Variants in HAS1 observed in about 807,000 individuals in gnomAD.
HAS1 encodes the protein HA synthase 1.
Under a neutral mutation model 35.0 loss-of-function variants are expected in HAS1, and 27 were observed. That is an observed-to-expected ratio of 0.77 (90% CI 0.57 to 1.06). HAS1 has a LOEUF of 1.06. Ranked by LOEUF, HAS1 falls within the 50% of genes least tolerant of loss-of-function variation. The pLI is 0.00. For synonymous variants in HAS1, 409 were observed against 371.2 expected, an observed-to-expected ratio of 1.10 and a Z score of -1.17; for missense variants, 940 against 814.8, an observed-to-expected ratio of 1.15 and a Z score of -1.87.
chr19:51,713,851 A>G lies in HAS1; in HGVS notation c.1310T>C (p.Val437Ala), dbSNP rs1172575155. ...CGCCTTGGCCAGTGCCACGCCCTGCACGCACAGCAGCACCCACAGCAGCGC... is the reference window on the plus strand; with the variant it reads ...CGCCTTGGCCAGTGCCACGCCCTGCGCGCACAGCAGCACCCACAGCAGCGC... ...PWALLWVLLCVQGVALAKAAF... is the reference protein window; with the variant it reads ...PWALLWVLLCAQGVALAKAAF... The change falls in exon 5 of 5, where the codon GTG becomes GCG. Residue 437 changes from valine (V) to alanine (A), a missense_variant. Physicochemically the swap from Val to Ala is moderately conservative, Grantham distance 64. Coordinates refer to ENST00000540069, the MANE Select transcript of HAS1 (RefSeq NM_001297436.2). This position sits in a 1 kb window ranked among gnomAD's most constrained non-coding sequence, Gnocchi z 4.5. 2.5e-6 allele frequency: 4 copies of G among 1,607,162 alleles called. No individual in the cohort carries two copies. The Admixed American group carries it at 6.7e-5, about 27-fold the overall frequency.
intron 4 of HAS1, among the ~76,000 whole-genome samples, chr19:51,714,553 C>T (rs976575178): frequency 4.8e-5 from 7 of 144,868 alleles, no homozygotes; most frequent in South Asian, 2.2e-4. Flanking sequence ...AAAAATTAGC[C>T]GGGCGTGGTG....
intron 4 of HAS1, among the ~76,000 whole-genome samples, chr19:51,714,692 A>C (rs8103845): frequency 6.9e-6 from 1 of 144,710 alleles, no homozygotes; most frequent in Non-Finnish European, 1.5e-5. Context: ...GCAAGACTCT[A>C]TCTAAGAAAA....
In HAS1 at chr19:51,723,884, TACAC is replaced by T. The variant is rs58597876; in HGVS notation, c.9+37_9+40del. 7,748 of 1,222,566 alleles carry T rather than the reference TACAC, an allele frequency of 6.3e-3. 13 individuals carry two copies. The highest frequency in any genetic ancestry group is 0.02 in the African/African-American group (1,259 of 62,278). The allele number at this position is 1,222,566 out of a possible 1,614,324, so 75.7% of individuals were successfully genotyped here. On this transcript the variant is annotated intron_variant, in intron 1 of 4. Coordinates refer to ENST00000540069, the MANE Select transcript of HAS1 (RefSeq NM_001297436.2). ...CAGTAGTTTTCCCCACATGGCTGTA[TACAC>T]ACACACACACACACACACACACACA...
rs2083556365 is a variant in HAS1, at chr19:51,713,571, G to A, written c.1590C>T (p.Gly530=). ...GGTAGGCCTCGGCTGCGCGGGAAGG[G>A]CCGCTCCAGTCGGCCCTGGCCTCGT... is the stretch of plus-strand genomic sequence containing the variant. ...VAHEARADWS[G]PSRAAEAYHL... The change falls in exon 5 of 5, where the codon GGC becomes GGT. Residue 530 remains glycine (G), a synonymous_variant. Coordinates refer to ENST00000540069, the MANE Select transcript of HAS1 (RefSeq NM_001297436.2). The surrounding 1 kb of genome is among the most constrained non-coding windows in gnomAD (Gnocchi z 4.5). 3.2e-6 allele frequency: 5 copies of A among 1,571,444 alleles called. No individual in the cohort carries two copies. Among genetic ancestry groups the A allele is most frequent in the East Asian group, 2.4e-5 (1 of 42,226 alleles).
At chr19:51,720,175 C>T (rs2083621549) in intron 1 of HAS1, among the ~76,000 whole-genome samples, 1 of 151,624 alleles carries the variant, frequency 6.6e-6, no homozygotes, top group South Asian at 2.1e-4. Flanking sequence ...CCTAGTGTCG[C>T]CATCTAGGCT....
chr19:51,719,156 T>A (rs2083605410), intron 2 of HAS1, 50 bp downstream of exon 2: 1 of 1,153,430 alleles, frequency 8.7e-7, no homozygotes, highest in South Asian at 1.6e-5. Context: ...CCCAGGAAAG[T>A]GGGATTTGGG....
At chr19:51,717,406 T>TACC (rs1250247812) in intron 2 of HAS1, among the ~76,000 whole-genome samples, 3 of 152,182 alleles carry the variant, frequency 2.0e-5, no homozygotes, top group African/African-American at 7.2e-5. Flanking sequence ...ATAAGACATA[T>TACC]ACCATCTCCT....
intron 2 of HAS1, among the ~76,000 whole-genome samples, chr19:51,717,424 G>A (rs2083595105): frequency 6.6e-6 from 1 of 152,188 alleles, no homozygotes; most frequent in Non-Finnish European, 1.5e-5. Flanking sequence ...CCTCTGGTGT[G>A]TGAGTGAGAC....
At position 51,719,415 on chromosome 19, in the gene HAS1, T is replaced by C; in HGVS notation, c.490A>G (p.Asn164Asp). 3.2e-6 allele frequency: 5 copies of C among 1,562,918 alleles called. No individual in the cohort carries two copies. Among genetic ancestry groups the C allele is most frequent in the Non-Finnish European group, 4.3e-6 (5 of 1,153,212 alleles). Residue 164 changes from asparagine to aspartate, a missense_variant, in exon 2 of 5, where the codon AAC becomes GAC. Asn to Asp is a conservative substitution (Grantham distance 23). Coordinates refer to ENST00000540069, the MANE Select transcript of HAS1 (RefSeq NM_001297436.2). ...EDPATYVWDGNYHQPWEPAAA... is the reference protein window; with the variant it reads ...EDPATYVWDGDYHQPWEPAAA... Reference sequence around the variant, plus strand: ...GCGGGTTCCCAGGGCTGGTGGTAGTTGCCGTCCCACACGTACGTGGCGGGG... The same window carrying C: ...GCGGGTTCCCAGGGCTGGTGGTAGTCGCCGTCCCACACGTACGTGGCGGGG...
At position 51,719,362 on chromosome 19, in the gene HAS1, G is replaced by A. The variant is rs1413124672; in HGVS notation, c.543C>T (p.Ala181=). ...GATCCTCCGCCTCCACCTCCCGATA[G>A]GCTCCGGCGCCCACCGCGCCCGCCG... ...PAAAGAVGAG[A]YREVEAEDPG... is the part of the protein sequence containing the mutation. The change falls in exon 2 of 5, where the codon GCC becomes GCT. Residue 181 remains alanine (A), a synonymous_variant. Coordinates refer to ENST00000540069, the MANE Select transcript of HAS1 (RefSeq NM_001297436.2). 1.2e-6 allele frequency: 2 copies of A among 1,601,718 alleles called. No homozygotes were observed. The highest frequency in any genetic ancestry group is 1.7e-5 in the Admixed American group (1 of 58,124).
rs761482836 is a variant in HAS1, at chr19:51,719,239, G to C, written c.666C>G (p.Phe222Leu). Residue 222 changes from phenylalanine (F) to leucine (L), a missense_variant, in exon 2 of 5, where the codon TTC becomes TTG. Physicochemically the swap from Phe to Leu is conservative, Grantham distance 22. Coordinates refer to ENST00000540069, the MANE Select transcript of HAS1 (RefSeq NM_001297436.2). ...AGTCCACCGAATCTCCGAGCGCCTT[G>C]AAGGCTGTGTACATGACCTCGCGCT... ...GGKREVMYTA[F>L]KALGDSVDYV... The C allele has an allele frequency of 6.3e-7, 1 of 1,592,030 alleles. No individual in the cohort carries two copies. Among genetic ancestry groups the C allele is most frequent in the Non-Finnish European group, 8.5e-7 (1 of 1,169,606 alleles).
At chr19:51,720,089 T>G (rs369193197) in intron 1 of HAS1, 194 bp from the exon 2 acceptor site, 29 of 532,314 alleles carry the variant, frequency 5.4e-5, no homozygotes, top group African/African-American at 3.5e-4. Flanking sequence ...TCTCTCTCTC[T>G]CTCGCTCTCG....
At position 51,713,332 on chromosome 19, in the gene HAS1, C is replaced by T; in HGVS notation, c.*95G>A. 1 of 1,244,144 alleles carries T rather than the reference C, an allele frequency of 8.0e-7. No homozygotes were observed. The highest frequency in any genetic ancestry group is 1.1e-6 in the Non-Finnish European group (1 of 936,018). The allele number at this position is 1,244,144 out of a possible 1,614,324, so 77.1% of individuals were successfully genotyped here. ...TTTTGCAGAGGAGGGAAACTGAGGC[C>T]CAGAGAACCACCCAGCAAGTTCGTG... On this transcript the variant is annotated 3_prime_UTR_variant, in exon 5 of 5. Coordinates refer to ENST00000540069, the MANE Select transcript of HAS1 (RefSeq NM_001297436.2). This position sits in a 1 kb window ranked among gnomAD's most constrained non-coding sequence, Gnocchi z 4.5.
chr19:51,719,979 T>G, intron 1 of HAS1, 84 bp from the exon 2 acceptor site: 1 of 866,732 alleles, frequency 1.2e-6, no homozygotes, highest in Non-Finnish European at 1.7e-6. Context: ...AATCCTTTCC[T>G]TCCTTCCCTC....
Position 51,713,579 on chromosome 19 carries a change from A to G in HAS1, c.1582T>C (p.Trp528Arg), listed in dbSNP as rs975190961. 1 of 1,565,442 alleles carries G rather than the reference A, an allele frequency of 6.4e-7. No individual in the cohort carries two copies. The highest frequency in any genetic ancestry group is 8.7e-7 in the Non-Finnish European group (1 of 1,155,510). The change falls in exon 5 of 5, where the codon TGG becomes CGG. Residue 528 changes from tryptophan to arginine, a missense_variant. Transcript: ENST00000540069. This position sits in a 1 kb window ranked among gnomAD's most constrained non-coding sequence, Gnocchi z 4.5. ...RSVAHEARAD[W>R]SGPSRAAEAY... ...TCGGCTGCGCGGGAAGGGCCGCTCCAGTCGGCCCTGGCCTCGTGTGCTACG... is the reference window on the plus strand; with the variant it reads ...TCGGCTGCGCGGGAAGGGCCGCTCCGGTCGGCCCTGGCCTCGTGTGCTACG...
At chr19:51,723,881 GTA>G (rs1228958669) in intron 1 of HAS1, 42 bp downstream of exon 1, 11 of 640,488 alleles carry the variant, frequency 1.7e-5, no homozygotes, top group Non-Finnish European at 2.3e-5. Context: ...CCACATGGCT[GTA>G]TACACACACA....
At position 51,713,577 on chromosome 19, in the gene HAS1, C is replaced by G; in HGVS notation, c.1584G>C (p.Trp528Cys). The change falls in exon 5 of 5, where the codon TGG (tryptophan) becomes TGC (cysteine). Residue 528 changes from tryptophan to cysteine, a missense_variant. Transcript: ENST00000540069. The surrounding 1 kb of genome is among the most constrained non-coding windows in gnomAD (Gnocchi z 4.5). ...RSVAHEARAD[W>C]SGPSRAAEAY... ...CCTCGGCTGCGCGGGAAGGGCCGCTCCAGTCGGCCCTGGCCTCGTGTGCTA... is the reference window on the plus strand; with the variant it reads ...CCTCGGCTGCGCGGGAAGGGCCGCTGCAGTCGGCCCTGGCCTCGTGTGCTA... 1.3e-6 allele frequency: 2 copies of G among 1,565,630 alleles called. No individual in the cohort carries two copies. The highest frequency in any genetic ancestry group is 1.2e-5 in the South Asian group (1 of 86,836).
rs1386746208 is a variant in HAS1, at chr19:51,719,682, G to C, written c.223C>G (p.Leu75Val). Reference protein sequence around the residue: ...HLVAQSLFAYLEHRRVAAAAR... With the variant: ...HLVAQSLFAYVEHRRVAAAAR... ...GCCGCCGCCACCCGCCGGTGCTCCA[G>C]GTACGCGAAGAGGCTCTGCGCCACC... Residue 75 changes from leucine to valine, a missense_variant, in exon 2 of 5, where the codon CTG becomes GTG. Transcript: ENST00000540069. 1.9e-6 allele frequency: 3 copies of C among 1,556,326 alleles called. No homozygotes were observed. In the East Asian group the frequency reaches 7.3e-5, roughly 38 times the overall value.
chr19:51,714,057 G>A lies in HAS1; in HGVS notation c.1104C>T (p.Phe368=), dbSNP rs1371813770. The change falls in exon 5 of 5, where the codon TTC becomes TTT. Residue 368 remains phenylalanine, a synonymous_variant. Coordinates refer to ENST00000540069, the MANE Select transcript of HAS1 (RefSeq NM_001297436.2). ...SRCYSETPSS[F]LRWLSQQTRW... ...GTGTCTGCTGGCTCAGCCACCGCAG[G>A]AAGGACGAGGGCGTCTCTGAGTAGC... The A allele has an allele frequency of 6.2e-7, 1 of 1,613,676 alleles. No homozygotes were observed. Among genetic ancestry groups the A allele is most frequent in the Non-Finnish European group, 8.5e-7 (1 of 1,179,914 alleles).
Sources: gnomAD v4.1 joint callset for allele counts (sites outside exome capture counted in the v4.1 genomes callset) on GRCh38, gnomAD v4.1.1 for gene constraint, Gnocchi (gnomAD v3.1) non-coding constraint, MANE v1.5 for transcripts, NCBI Gene and HGNC (gene_info 2026-07-23, HGNC 2026-07-21) for gene names.